The following PRKCB variants were observed in gnomAD, a reference collection of about 807,000 sequenced individuals.
PRKCB encodes protein kinase C beta type.
A neutral mutation model predicts 81.5 loss-of-function variants in PRKCB; 13 were observed. That is an observed-to-expected ratio of 0.16 (90% CI 0.10 to 0.25). The LOEUF is 0.25. Ranked by LOEUF, PRKCB falls within the 10% of genes least tolerant of loss-of-function variation. PRKCB has a pLI of 1.00. For missense variants in PRKCB, 509 were observed against 875.7 expected (o/e 0.58, Z 5.29); for synonymous variants, 335 against 321.4 (o/e 1.04, Z -0.45).
At chr16:23,978,257 G>T (rs1964650284) in intron 2 of PRKCB, among the ~76,000 whole-genome samples, 1 of 152,192 alleles carries the variant, frequency 6.6e-6, no homozygotes, top group African/African-American at 2.4e-5. Flanking sequence ...CCCTTGGAAG[G>T]GCATATGCCC....
chr16:24,116,979 C>T lies in PRKCB; in HGVS notation c.918+3910C>T, dbSNP rs1966743088. Among the ~76,000 whole-genome samples the T allele has an allele frequency of 2.0e-5, 3 of 151,510 alleles. No homozygotes were observed. The South Asian group carries it at 6.2e-4, about 31-fold the overall frequency. On this transcript the variant is annotated intron_variant, in intron 8 of 16. Transcript: ENST00000643927. Reference sequence around the variant, plus strand: ...GGCTTGGAATAGGAGACTGTTTTATCCGCATGCAAGAAATTGTGTCCCTTT... The same window carrying T: ...GGCTTGGAATAGGAGACTGTTTTATTCGCATGCAAGAAATTGTGTCCCTTT...
chr16:24,038,928 C>T (rs1244481540), intron 5 of PRKCB, among the ~76,000 whole-genome samples: 1 of 152,122 alleles, frequency 6.6e-6, no homozygotes, highest in African/African-American at 2.4e-5. Context: ...GTGTCTCCCC[C>T]AGATTTGTAT....
intron 2 of PRKCB, among the ~76,000 whole-genome samples, chr16:23,928,288 G>A (rs1963923859): frequency 6.6e-6 from 1 of 151,898 alleles, no homozygotes; most frequent in Admixed American, 6.6e-5. Flanking sequence ...ACCATGCCCG[G>A]CTAATTTTTT....
chr16:23,838,681 T>C (rs952160200), intron 2 of PRKCB, among the ~76,000 whole-genome samples: 4 of 152,214 alleles, frequency 2.6e-5, no homozygotes, highest in Admixed American at 1.3e-4. Context: ...AAAAGTAAAG[T>C]GATCCCTAGT....
intron 5 of PRKCB, among the ~76,000 whole-genome samples, chr16:24,084,471 CAGATAAAAGCGGTTA>C (rs1403241624): frequency 6.6e-6 from 1 of 151,894 alleles, no homozygotes; most frequent in African/African-American, 2.4e-5. Context: ...CAGTCTTGGA[CAGATAAAAGCGGTTA>C]AGAAAATGGA....
chr16:24,066,822 G>A (rs1396162227), intron 5 of PRKCB, among the ~76,000 whole-genome samples: 1 of 152,122 alleles, frequency 6.6e-6, no homozygotes, highest in Non-Finnish European at 1.5e-5. Context: ...GGGAATTATT[G>A]TATGTTTAAT....
intron 3 of PRKCB, among the ~76,000 whole-genome samples, chr16:24,001,375 T>C (rs1290465574): frequency 6.6e-6 from 1 of 152,240 alleles, no homozygotes; most frequent in Non-Finnish European, 1.5e-5. Flanking sequence ...TTAGAGATGG[T>C]AGACACTAAT....
chr16:24,016,916 T>C (rs8049353), intron 3 of PRKCB, among the ~76,000 whole-genome samples: 5,381 of 152,296 alleles, frequency 0.035, 312 homozygotes, highest in African/African-American at 0.12. Flanking sequence ...TATTCAGCAT[T>C]GGCTGGAAGT....
In PRKCB at chr16:24,219,993, A is replaced by T; in HGVS notation, c.*5177A>T. 6.2e-7 allele frequency: 1 copy of T among 1,614,138 alleles called. No individual in the cohort carries two copies. The highest frequency in any genetic ancestry group is 1.1e-5 in the South Asian group (1 of 91,080). On this transcript the variant is annotated 3_prime_UTR_variant, in exon 17 of 17. Coordinates refer to ENST00000643927, the MANE Select transcript of PRKCB (RefSeq NM_002738.7). Reference sequence around the variant, plus strand: ...AGAGAGACACCTCCAACTTCGACAAAGAGTTCACCAGACAGCCTGTGGAAC... The same window carrying T: ...AGAGAGACACCTCCAACTTCGACAATGAGTTCACCAGACAGCCTGTGGAAC...
intron 5 of PRKCB, among the ~76,000 whole-genome samples, chr16:24,088,511 G>A (rs1966335710): frequency 6.6e-6 from 1 of 152,050 alleles, no homozygotes. Flanking sequence ...AGGATCACTC[G>A]TGGCCAGGAG....
intron 2 of PRKCB, among the ~76,000 whole-genome samples, chr16:23,975,169 C>T (rs1964608907): frequency 6.6e-6 from 1 of 152,192 alleles, no homozygotes; most frequent in Non-Finnish European, 1.5e-5. Flanking sequence ...ATTCACTTAG[C>T]AAGTCATTCC....
At chr16:23,925,126 G>A (rs983867836) in intron 2 of PRKCB, among the ~76,000 whole-genome samples, 1 of 152,078 alleles carries the variant, frequency 6.6e-6, no homozygotes, top group Non-Finnish European at 1.5e-5. Context: ...CCTCAGTGGA[G>A]GGAAAATGGA....
At chr16:24,013,566 G>T (rs933603892) in intron 3 of PRKCB, among the ~76,000 whole-genome samples, 1 of 152,156 alleles carries the variant, frequency 6.6e-6, no homozygotes, top group Non-Finnish European at 1.5e-5. Flanking sequence ...CCTGGCACAT[G>T]GTGAGTGCTG....
chr16:23,873,682 G>A (rs1010644291), intron 2 of PRKCB, among the ~76,000 whole-genome samples: 1 of 152,180 alleles, frequency 6.6e-6, no homozygotes, highest in Non-Finnish European at 1.5e-5. Context: ...GAAGCCAGTG[G>A]ATAGGGACAT....
chr16:23,885,943 T>C (rs1390532684), intron 2 of PRKCB, among the ~76,000 whole-genome samples: 1 of 152,222 alleles, frequency 6.6e-6, no homozygotes, highest in Non-Finnish European at 1.5e-5. Context: ...AGGATTGTGA[T>C]ACTAACAACA....
intron 9 of PRKCB, among the ~76,000 whole-genome samples, chr16:24,138,954 C>T (rs198203): frequency 0.32 from 47,503 of 149,264 alleles, 7,735 homozygotes; most frequent in South Asian, 0.47. Flanking sequence ...CAGGCTCAAG[C>T]GATTCTTCTG....
intron 9 of PRKCB, among the ~76,000 whole-genome samples, chr16:24,147,271 G>A (rs1967005508): frequency 6.9e-6 from 1 of 144,742 alleles, no homozygotes; most frequent in African/African-American, 2.6e-5. Flanking sequence ...TCGCACCACT[G>A]CACTCCAGCC....
At chr16:23,992,222 G>T (rs909913840) in intron 3 of PRKCB, among the ~76,000 whole-genome samples, 9 of 152,166 alleles carry the variant, frequency 5.9e-5, no homozygotes, top group African/African-American at 2.2e-4. Flanking sequence ...TCAGGTTTTG[G>T]TATTTTGTTA....
intron 2 of PRKCB, among the ~76,000 whole-genome samples, chr16:23,917,817 G>GT (rs1426255895): frequency 6.6e-6 from 1 of 152,212 alleles, no homozygotes; most frequent in Non-Finnish European, 1.5e-5. Flanking sequence ...GTATCAGAGG[G>GT]TAAGTGATCT....
Sources: gnomAD v4.1 joint callset for allele counts (sites outside exome capture counted in the v4.1 genomes callset) on GRCh38, gnomAD v4.1.1 for gene constraint, MANE v1.5 for transcripts, NCBI Gene and HGNC (gene_info 2026-07-23, HGNC 2026-07-21) for gene names.